The following CPPED1 variants were observed in gnomAD, a reference collection of about 807,000 sequenced individuals.
CPPED1 encodes the protein serine/threonine-protein phosphatase CPPED1.
Under a neutral mutation model 28.0 loss-of-function variants are expected in CPPED1, and 28 were observed. The observed-to-expected ratio is 1.00, with a 90% confidence interval of 0.74 to 1.37. The LOEUF is 1.37. CPPED1 is among the 40% of genes most tolerant of loss of function. CPPED1 has a pLI of 0.00. For missense variants in CPPED1, 504 were observed against 416.5 expected, an observed-to-expected ratio of 1.21 and a Z score of -1.83; for synonymous variants, 198 against 180.2, an observed-to-expected ratio of 1.10 and a Z score of -0.79.
intron 2 of CPPED1, among the ~76,000 whole-genome samples, chr16:12,725,030 C>A (rs2080162889): frequency 6.6e-6 from 1 of 151,884 alleles, no homozygotes; most frequent in South Asian, 2.1e-4. Context: ...TCGTGATCCA[C>A]CTGCCTTGGC....
intron 2 of CPPED1, among the ~76,000 whole-genome samples, chr16:12,736,328 C>A (rs1479792255): frequency 2.0e-5 from 3 of 151,856 alleles, no homozygotes; most frequent in Non-Finnish European, 2.9e-5. Flanking sequence ...TCACTGCAAC[C>A]TCCACCTCCC....
In CPPED1 at chr16:12,704,719, G is replaced by A. The variant is rs780178007; in HGVS notation, c.620C>T (p.Pro207Leu). 13 of 1,614,070 alleles carry A rather than the reference G, an allele frequency of 8.1e-6. No homozygotes were observed. The highest frequency in any genetic ancestry group is 5.3e-5 in the African/African-American group (4 of 74,922). The change falls in exon 3 of 4, where the codon CCG (proline) becomes CTG (leucine). Residue 207 changes from proline to leucine, a missense_variant. By Grantham distance (98) the Pro-to-Leu change is moderately conservative. Coordinates refer to ENST00000381774, the MANE Select transcript of CPPED1 (RefSeq NM_018340.3). ...CTCGTCGATGCTCTCCAGGAACAGCGGGATGTGCTGGAAGACGATGGCATG... is the reference window on the plus strand; with the variant it reads ...CTCGTCGATGCTCTCCAGGAACAGCAGGATGTGCTGGAAGACGATGGCATG... ...CQHAIVFQHI[P>L]LFLESIDEDD...
chr16:12,722,578 A>G lies in CPPED1; in HGVS notation c.290-17529T>C, dbSNP rs371970724. Among the ~76,000 whole-genome samples the G allele has an allele frequency of 2.0e-4, 31 of 152,328 alleles. No individual in the cohort carries two copies. In the East Asian group the frequency reaches 3.5e-3, roughly 17 times the overall value. Reference sequence around the variant, plus strand: ...ACGGCGAGACCCTGTCTCTACAAAAATACAAAAATTAGTTAGGTGTGGTGG... The same window carrying G: ...ACGGCGAGACCCTGTCTCTACAAAAGTACAAAAATTAGTTAGGTGTGGTGG... On this transcript the variant is annotated intron_variant, in intron 2 of 3. Coordinates refer to ENST00000381774, the MANE Select transcript of CPPED1 (RefSeq NM_018340.3).
chr16:12,779,482 G>A (rs4357930), intron 2 of CPPED1, among the ~76,000 whole-genome samples: 35,247 of 151,508 alleles, frequency 0.23, 4,455 homozygotes, highest in East Asian at 0.3. Context: ...TCTGCCTCCC[G>A]AGTTCAAGCG....
intron 3 of CPPED1, among the ~76,000 whole-genome samples, chr16:12,701,099 C>T (rs1294926570): frequency 6.6e-6 from 1 of 152,042 alleles, no homozygotes; most frequent in East Asian, 1.9e-4. Context: ...CATCGTGGCA[C>T]TCCCCTGTAG....
At chr16:12,679,449 G>A (rs2079894129) in intron 3 of CPPED1, among the ~76,000 whole-genome samples, 1 of 152,080 alleles carries the variant, frequency 6.6e-6, no homozygotes. Context: ...AGTGGGAGGA[G>A]GGAAATTTCT....
chr16:12,747,975 G>A (rs1456498197), intron 2 of CPPED1, among the ~76,000 whole-genome samples: 2 of 152,190 alleles, frequency 1.3e-5, no homozygotes, highest in Non-Finnish European at 2.9e-5. Context: ...CCAAGAGACT[G>A]GTCAAAATTA....
At position 12,661,493 on chromosome 16, in the gene CPPED1, C is replaced by G. The variant is rs1357833259; in HGVS notation, c.*3393G>C. Reference sequence around the variant, plus strand: ...AAAGTAAATGATCATCTCCCCAGCCCCATTCCCAAAGTCACTTGAGCCTTT... The same window carrying G: ...AAAGTAAATGATCATCTCCCCAGCCGCATTCCCAAAGTCACTTGAGCCTTT... On this transcript the variant is annotated 3_prime_UTR_variant, in exon 4 of 4. Transcript: ENST00000381774. 2.0e-5 allele frequency: 3 copies of G among 152,236 alleles called. No individual in the cohort carries two copies. Among genetic ancestry groups the G allele is most frequent in the Non-Finnish European group, 4.4e-5 (3 of 68,048 alleles). The allele number at this position is 152,236 out of a possible 1,614,324, so 9.4% of individuals were successfully genotyped here.
intron 2 of CPPED1, among the ~76,000 whole-genome samples, chr16:12,731,100 G>C (rs1309415738): frequency 6.6e-6 from 1 of 151,700 alleles, no homozygotes; most frequent in Non-Finnish European, 1.5e-5. Flanking sequence ...TTGAGCCCAG[G>C]AGTTCGAGAC....
At chr16:12,756,016 A>G (rs2080364758) in intron 2 of CPPED1, among the ~76,000 whole-genome samples, 1 of 152,168 alleles carries the variant, frequency 6.6e-6, no homozygotes, top group Non-Finnish European at 1.5e-5. Context: ...CTGTAGTCCC[A>G]GCTACTCGGG....
rs1342393630 is a variant in CPPED1 at position 12,698,573 on chromosome 16, A to G, written c.715+6051T>C. On this transcript the variant is annotated intron_variant, in intron 3 of 3. Transcript: ENST00000381774. ...CAGCCTCCCAAGTAGCTGGGACTAC[A>G]GGTGCCTGCCACCATGCCCGGCTAA... Among the ~76,000 whole-genome samples the G allele has an allele frequency of 3.9e-5, 6 of 152,286 alleles. No individual in the cohort carries two copies. In the East Asian group the frequency reaches 1.2e-3, roughly 29 times the overall value.
At chr16:12,668,168 T>G (rs973625118) in intron 3 of CPPED1, among the ~76,000 whole-genome samples, 1 of 152,152 alleles carries the variant, frequency 6.6e-6, no homozygotes, top group African/African-American at 2.4e-5. Flanking sequence ...ACATAAAAAC[T>G]AAAAGTTTAC....
chr16:12,688,680 T>C (rs1438040326), intron 3 of CPPED1, among the ~76,000 whole-genome samples: 1 of 152,162 alleles, frequency 6.6e-6, no homozygotes, highest in Non-Finnish European at 1.5e-5. Flanking sequence ...TCTGGTTTCT[T>C]TCCTGACTTT....
chr16:12,672,229 CA>C (rs1236058039), intron 3 of CPPED1, among the ~76,000 whole-genome samples: 1 of 152,214 alleles, frequency 6.6e-6, no homozygotes, highest in Non-Finnish European at 1.5e-5. Context: ...GGCAATCTAG[CA>C]ATACTGTCGC....
chr16:12,686,428 A>G (rs2079933807), intron 3 of CPPED1, among the ~76,000 whole-genome samples: 1 of 152,172 alleles, frequency 6.6e-6, no homozygotes, highest in Non-Finnish European at 1.5e-5. Context: ...AAAATAACAG[A>G]GTTCCCCTGC....
At chr16:12,776,135 G>A (rs1396110070) in intron 2 of CPPED1, among the ~76,000 whole-genome samples, 1 of 152,190 alleles carries the variant, frequency 6.6e-6, no homozygotes, top group Non-Finnish European at 1.5e-5. Context: ...GAAAGCAGGA[G>A]AATCAGAGTA....
At chr16:12,719,501 G>A (rs1179398791) in intron 2 of CPPED1, among the ~76,000 whole-genome samples, 3 of 152,080 alleles carry the variant, frequency 2.0e-5, no homozygotes, top group African/African-American at 7.2e-5. Context: ...GCCTAGAAAT[G>A]TCTCTTGGAA....
chr16:12,771,007 T>C (rs1241713543), intron 2 of CPPED1, among the ~76,000 whole-genome samples: 2 of 152,164 alleles, frequency 1.3e-5, no homozygotes, highest in Non-Finnish European at 2.9e-5. Flanking sequence ...TAAATATAGA[T>C]TTTAAATTTA....
chr16:12,767,577 C>T (rs763026152), intron 2 of CPPED1, among the ~76,000 whole-genome samples: 2 of 151,972 alleles, frequency 1.3e-5, no homozygotes, highest in Non-Finnish European at 2.9e-5. Flanking sequence ...TCTATGCAAA[C>T]ACACTGGACT....
Sources: allele counts gnomAD v4.1 joint callset (sites outside exome capture counted in the v4.1 genomes callset), GRCh38; gene constraint gnomAD v4.1.1; transcripts MANE v1.5; gene names NCBI Gene and HGNC (gene_info 2026-07-23, HGNC 2026-07-21).